The following RBFOX1 variants were observed in gnomAD, a reference collection of about 807,000 sequenced individuals.
RBFOX1 encodes RNA binding protein fox-1 homolog 1.
In RBFOX1, 8 loss-of-function variants were observed where a neutral mutation model predicts 57.7. The ratio of observed to expected loss-of-function variants is 0.14; its 90% CI spans 0.08 to 0.25. The LOEUF (loss-of-function observed/expected upper bound fraction) is 0.25. Among genes scored for constraint, RBFOX1 ranks in the 10% least tolerant of loss-of-function variants. The pLI, the probability that RBFOX1 is intolerant of heterozygous loss-of-function variation, is 1.00. For missense variants in RBFOX1, 611 were observed against 548.5 expected (o/e 1.11, Z -1.14); for synonymous variants, 326 against 222.4 (o/e 1.47, Z -4.15).
At chr16:6,346,780 G>A (rs1024388637) in intron 2 of RBFOX1, among the ~76,000 whole-genome samples, 1 of 152,184 alleles carries the variant, frequency 6.6e-6, no homozygotes, top group African/African-American at 2.4e-5. Context: ...ATTGAGGCTT[G>A]TCTTGGGATG....
At chr16:6,072,231 C>T (rs888206146) in intron 1 of RBFOX1, among the ~76,000 whole-genome samples, 1 of 152,036 alleles carries the variant, frequency 6.6e-6, no homozygotes, top group African/African-American at 2.4e-5. Context: ...TAAAACCCAC[C>T]CCCCCATGAT....
At position 7,319,290 on chromosome 16, in the gene RBFOX1, A is replaced by C. The variant is rs181657622; in HGVS notation, c.28-198857A>C. On this transcript the variant is annotated intron_variant, in intron 4 of 15. Coordinates refer to ENST00000550418, the MANE Select transcript of RBFOX1 (RefSeq NM_018723.4). ...ATATTGTTGGGGGAGATGTAAATGA[A>C]TGTGGTAAATATTTAATGGAATGCT... Among the ~76,000 whole-genome samples the C allele has an allele frequency of 2.6e-5, 4 of 152,300 alleles. No individual in the cohort carries two copies. In the East Asian group the frequency reaches 7.7e-4, roughly 29 times the overall value.
intron 3 of RBFOX1, among the ~76,000 whole-genome samples, chr16:6,717,319 C>G (rs1385716698): frequency 6.6e-6 from 1 of 152,106 alleles, no homozygotes; most frequent in African/African-American, 2.4e-5. Flanking sequence ...AACTTATCAG[C>G]TTTGTGATAA....
chr16:6,116,152 A>G (rs1415873593), intron 1 of RBFOX1, among the ~76,000 whole-genome samples: 3 of 152,128 alleles, frequency 2.0e-5, no homozygotes. Flanking sequence ...CATCATTCTC[A>G]GCAAACTAAC....
intron 1 of RBFOX1, among the ~76,000 whole-genome samples, chr16:5,409,016 C>T (rs887628948): frequency 1.8e-4 from 28 of 152,146 alleles, no homozygotes; most frequent in African/African-American, 6.0e-4. Flanking sequence ...ACTGTATCGG[C>T]GGGTGAAACC....
chr16:5,462,393 C>T (rs1420436638), intron 1 of RBFOX1, among the ~76,000 whole-genome samples: 1 of 152,080 alleles, frequency 6.6e-6, no homozygotes, highest in Non-Finnish European at 1.5e-5. Flanking sequence ...TGGTCTTGAT[C>T]TCCTGACCTC....
At chr16:6,723,570 G>C (rs1312034687) in intron 3 of RBFOX1, among the ~76,000 whole-genome samples, 2 of 152,168 alleles carry the variant, frequency 1.3e-5, no homozygotes, top group East Asian at 1.9e-4. Context: ...GTTTACTTTG[G>C]AGAAGTGGAT....
rs111685313 is a variant in RBFOX1 at position 6,932,081 on chromosome 16, G to T, written c.-15-119976G>T. 6.2e-3 allele frequency among the ~76,000 whole-genome samples: 946 copies of T among 152,058 alleles called. 10 individuals are homozygous for T. Among genetic ancestry groups the T allele is most frequent in the African/African-American group, 0.022 (911 of 41,490 alleles). On this transcript the variant is annotated intron_variant, in intron 3 of 15. Coordinates refer to ENST00000550418, the MANE Select transcript of RBFOX1 (RefSeq NM_018723.4). ...AGAGCCTTCATGACCTGATCATCTT[G>T]GTTTTTGTTGTTGTTGTTTTTTGTT...
intron 4 of RBFOX1, among the ~76,000 whole-genome samples, chr16:7,396,850 G>C (rs1478739012): frequency 6.6e-6 from 1 of 152,078 alleles, no homozygotes; most frequent in Non-Finnish European, 1.5e-5. Context: ...CTGAGGCATG[G>C]GAATCACTTA....
intron 1 of RBFOX1, among the ~76,000 whole-genome samples, chr16:5,311,766 C>G (rs1354559851): frequency 6.6e-6 from 1 of 152,164 alleles, no homozygotes; most frequent in African/African-American, 2.4e-5. Flanking sequence ...TTGCTGATTT[C>G]AAATTACACT....
chr16:6,985,295 C>A (rs2089997719), intron 3 of RBFOX1, among the ~76,000 whole-genome samples: 1 of 152,144 alleles, frequency 6.6e-6, no homozygotes, highest in African/African-American at 2.4e-5. Flanking sequence ...ACATGTCCTT[C>A]AATTAATTTT....
intron 2 of RBFOX1, among the ~76,000 whole-genome samples, chr16:6,557,429 A>C (rs1013132983): frequency 6.6e-6 from 1 of 152,176 alleles, no homozygotes; most frequent in South Asian, 2.1e-4. Context: ...GTACGATTTC[A>C]CAATAACAGC....
At chr16:7,264,914 A>G (rs1220787765) in intron 4 of RBFOX1, among the ~76,000 whole-genome samples, 1 of 152,214 alleles carries the variant, frequency 6.6e-6, no homozygotes, top group Non-Finnish European at 1.5e-5. Context: ...TCCCACAGAA[A>G]GATCCATCAG....
intron 4 of RBFOX1, among the ~76,000 whole-genome samples, chr16:7,516,602 C>A (rs1337004441): frequency 6.6e-6 from 1 of 152,136 alleles, no homozygotes; most frequent in Non-Finnish European, 1.5e-5. Context: ...GGCCCCAGTG[C>A]TATGGGAAAA....
chr16:6,774,809 A>G (rs1429118204), intron 3 of RBFOX1, among the ~76,000 whole-genome samples: 2 of 152,042 alleles, frequency 1.3e-5, no homozygotes, highest in African/African-American at 4.8e-5. Flanking sequence ...TTTCCAATAT[A>G]GTAGCCATGA....
At chr16:6,352,039 G>T (rs955755617) in intron 2 of RBFOX1, among the ~76,000 whole-genome samples, 19 of 152,268 alleles carry the variant, frequency 1.2e-4, no homozygotes, top group African/African-American at 3.9e-4. Flanking sequence ...TTTTCTGTCT[G>T]TTGGGCAGGG....
intron 4 of RBFOX1, among the ~76,000 whole-genome samples, chr16:7,400,938 A>G (rs958640506): frequency 6.6e-6 from 1 of 152,162 alleles, no homozygotes; most frequent in Non-Finnish European, 1.5e-5. Context: ...CTCACATACC[A>G]CCACGGTATT....
intron 4 of RBFOX1, among the ~76,000 whole-genome samples, chr16:5,985,137 C>T (rs2060261309): frequency 1.3e-5 from 2 of 151,266 alleles, no homozygotes; most frequent in Non-Finnish European, 1.5e-5. Context: ...AGGCACCCGC[C>T]ACCATACCCG....
At chr16:5,326,879 G>A (rs1015588469) in intron 1 of RBFOX1, among the ~76,000 whole-genome samples, 3 of 152,156 alleles carry the variant, frequency 2.0e-5, no homozygotes, top group Non-Finnish European at 2.9e-5. Context: ...AGCCCAGCAC[G>A]AGCTCAGGAT....
Sources: gnomAD v4.1 joint callset for allele counts (sites outside exome capture counted in the v4.1 genomes callset) on GRCh38, gnomAD v4.1.1 for gene constraint, MANE v1.5 for transcripts, NCBI Gene and HGNC (gene_info 2026-07-23, HGNC 2026-07-21) for gene names.